The following MBNL2 variants were observed in gnomAD, a reference collection of about 807,000 sequenced individuals.
MBNL2 encodes muscleblind like splicing regulator 2.
Under a neutral mutation model 41.9 loss-of-function variants are expected in MBNL2, and 17 were observed. The observed-to-expected ratio is 0.41, with a 90% confidence interval of 0.28 to 0.61. The LOEUF (loss-of-function observed/expected upper bound fraction) is 0.61. Among genes scored for constraint, MBNL2 ranks in the 20% least tolerant of loss-of-function variants. MBNL2 has a pLI of 0.35. For synonymous variants in MBNL2, 195 were observed against 182.9 expected (o/e 1.07, Z -0.53); for missense variants, 336 against 505.6 (o/e 0.66, Z 3.22).
At chr13:97,220,025 G>A (rs1388020435), upstream of MBNL2, among the ~76,000 whole-genome samples, 1 of 152,194 alleles carries the variant, frequency 6.6e-6, no homozygotes, top group Non-Finnish European at 1.5e-5. Flanking sequence ...GAAGAAGGAG[G>A]TTTAAGAATG....
chr13:97,193,020 C>T, the MBNL2 span, among the ~76,000 whole-genome samples: 1 of 152,254 alleles, frequency 6.6e-6, no homozygotes, highest in Non-Finnish European at 1.5e-5. Flanking sequence ...CTGCTGTCCA[C>T]TTCCCACCCA....
chr13:97,196,713 A>G, the MBNL2 span, among the ~76,000 whole-genome samples: 4 of 152,114 alleles, frequency 2.6e-5, no homozygotes, highest in Non-Finnish European at 5.9e-5. Flanking sequence ...TAGGGGATCA[A>G]TTTCTGGGCA....
the MBNL2 span, among the ~76,000 whole-genome samples, chr13:97,199,999 A>G: frequency 2.6e-5 from 4 of 152,252 alleles, no homozygotes; most frequent in South Asian, 2.1e-4. Flanking sequence ...AGACTGGCAA[A>G]TGGAGATGAA....
intron 2 of MBNL2, among the ~76,000 whole-genome samples, chr13:97,282,023 A>G (rs1047965786): frequency 3.3e-5 from 5 of 150,100 alleles, no homozygotes; most frequent in African/African-American, 7.3e-5. Flanking sequence ...TAATATTCAT[A>G]TGTAACAAGA....
At chr13:97,266,614 G>A (rs899431895) in intron 1 of MBNL2, among the ~76,000 whole-genome samples, 2 of 152,240 alleles carry the variant, frequency 1.3e-5, no homozygotes, top group African/African-American at 2.4e-5. Flanking sequence ...CCAAGTCATC[G>A]ATCAACAGAG....
intron 1 of MBNL2, among the ~76,000 whole-genome samples, chr13:97,237,656 C>A (rs527775991): frequency 6.6e-6 from 1 of 152,298 alleles, no homozygotes; most frequent in East Asian, 1.9e-4. Context: ...CTGAAAAGCA[C>A]CCATGCAGGT....
At chr13:97,245,445 G>A (rs1030500943) in intron 1 of MBNL2, among the ~76,000 whole-genome samples, 2 of 152,080 alleles carry the variant, frequency 1.3e-5, no homozygotes, top group African/African-American at 4.8e-5. Flanking sequence ...TCTCACAAAA[G>A]TCATCCCCCG....
intron 2 of MBNL2, among the ~76,000 whole-genome samples, chr13:97,310,564 G>C (rs763855286): frequency 9.0e-4 from 137 of 151,760 alleles, no homozygotes; most frequent in Non-Finnish European, 1.8e-3. Context: ...TGAGTAGCTG[G>C]GACTACAGGC....
At chr13:97,336,458 AC>A (rs1473829958) in intron 3 of MBNL2, among the ~76,000 whole-genome samples, 2 of 151,944 alleles carry the variant, frequency 1.3e-5, no homozygotes, top group African/African-American at 4.8e-5. Flanking sequence ...AGATGGGGAG[AC>A]CCTCCTGGAT....
intron 1 of MBNL2, among the ~76,000 whole-genome samples, chr13:97,264,678 A>G (rs911366823): frequency 1.3e-5 from 2 of 152,230 alleles, no homozygotes; most frequent in African/African-American, 2.4e-5. Context: ...TGTTACAAAC[A>G]TTTTGTCAAA....
chr13:97,336,747 G>A (rs2060917486), intron 3 of MBNL2, among the ~76,000 whole-genome samples: 1 of 152,220 alleles, frequency 6.6e-6, no homozygotes, highest in Non-Finnish European at 1.5e-5. Flanking sequence ...AGGGATAAAT[G>A]TGTGTTATTC....
chr13:97,348,967 G>A (rs1411518786), intron 5 of MBNL2, among the ~76,000 whole-genome samples: 2 of 152,218 alleles, frequency 1.3e-5, no homozygotes, highest in African/African-American at 4.8e-5. Flanking sequence ...CAGGTGCGGA[G>A]TGTGTGGTTC....
At chr13:97,257,569 T>C (rs1320951954) in intron 1 of MBNL2, among the ~76,000 whole-genome samples, 1 of 152,218 alleles carries the variant, frequency 6.6e-6, no homozygotes, top group African/African-American at 2.4e-5. Flanking sequence ...ACCCAAAAGA[T>C]ACAGCTAACA....
chr13:97,346,882 A>G lies in MBNL2; in HGVS notation c.619A>G (p.Met207Val). ...CTTTGCACACCCCGCAGACAGCACC[A>G]TGATCGACACAAGTGACAACACCGT... ...CRFAHPADST[M>V]IDTSDNTVTV... The change falls in exon 5 of 9, where the codon ATG becomes GTG. Residue 207 changes from methionine to valine, a missense_variant. Met to Val is a conservative substitution (Grantham distance 21). Transcript: ENST00000679496. The surrounding 1 kb of genome is among the most constrained non-coding windows in gnomAD (Gnocchi z 4.2). The G allele has an allele frequency of 6.2e-7, 1 of 1,613,936 alleles. No individual in the cohort carries two copies. The highest frequency in any genetic ancestry group is 8.5e-7 in the Non-Finnish European group (1 of 1,179,886).
intron 2 of MBNL2, among the ~76,000 whole-genome samples, chr13:97,281,845 C>T (rs1357235611): frequency 6.6e-6 from 1 of 152,120 alleles, no homozygotes; most frequent in African/African-American, 2.4e-5. Flanking sequence ...GATACAGGTT[C>T]AAAAATTTAA....
At chr13:97,189,178 G>A in the MBNL2 span, among the ~76,000 whole-genome samples, 87 of 152,208 alleles carry the variant, frequency 5.7e-4, no homozygotes, top group African/African-American at 2.1e-3. Flanking sequence ...ATAGGCGTTA[G>A]CCACTGTTCC....
chr13:97,223,892 G>A (rs562214226), intron 1 of MBNL2, among the ~76,000 whole-genome samples: 185 of 152,298 alleles, frequency 1.2e-3, no homozygotes, highest in Admixed American at 2.0e-3. Flanking sequence ...AACTATTTCT[G>A]CTGTGTGTTC....
At chr13:97,285,226 A>T (rs1176587397) in intron 2 of MBNL2, among the ~76,000 whole-genome samples, 3 of 152,228 alleles carry the variant, frequency 2.0e-5, no homozygotes. Flanking sequence ...GCTTTGTCAC[A>T]TGTAACTTTA....
chr13:97,324,347 A>T (rs1016111226), intron 2 of MBNL2, among the ~76,000 whole-genome samples: 1 of 152,222 alleles, frequency 6.6e-6, no homozygotes, highest in Non-Finnish European at 1.5e-5. Flanking sequence ...CACCCGTCGT[A>T]TGAGGTTTCC....
Sources: gnomAD v4.1 joint callset for allele counts (sites outside exome capture counted in the v4.1 genomes callset) on GRCh38, gnomAD v4.1.1 for gene constraint, Gnocchi (gnomAD v3.1) non-coding constraint, MANE v1.5 for transcripts, NCBI Gene and HGNC (gene_info 2026-07-23, HGNC 2026-07-21) for gene names.